STPG2: variants seen among roughly 807,000 people sequenced by gnomAD.
The protein encoded by STPG2 is sperm tail PG-rich repeat containing 2.
In STPG2, 56 loss-of-function variants were observed where a neutral mutation model predicts 54.2. The observed-to-expected ratio is 1.03, with a 90% CI of 0.83 to 1.29. The LOEUF (loss-of-function observed/expected upper bound fraction) is 1.29, where lower values mean the gene tolerates loss of function less well. Among genes scored for constraint, STPG2 ranks in the 50% most tolerant of loss-of-function variants. STPG2 has a pLI of 0.00. For synonymous variants in STPG2, 200 were observed against 181.8 expected, an observed-to-expected ratio of 1.10 and a Z score of -0.81; for missense variants, 596 against 544.9, an observed-to-expected ratio of 1.09 and a Z score of -0.93.
intron 10 of STPG2, among the ~76,000 whole-genome samples, chr4:97,663,334 A>C (rs1722427376): frequency 6.6e-6 from 1 of 152,198 alleles, no homozygotes; most frequent in Non-Finnish European, 1.5e-5. Flanking sequence ...ATTTTTCAAA[A>C]GTAAAATAAA....
intron 9 of STPG2, among the ~76,000 whole-genome samples, chr4:97,774,930 A>G (rs191548719): frequency 1.6e-3 from 240 of 152,340 alleles, no homozygotes; most frequent in African/African-American, 5.7e-3. Context: ...CTCCACTTTG[A>G]GGAGTCTTCC....
intron 8 of STPG2, among the ~76,000 whole-genome samples, chr4:97,906,094 A>C (rs1048538595): frequency 6.6e-6 from 1 of 152,136 alleles, no homozygotes; most frequent in Non-Finnish European, 1.5e-5. Context: ...TTTTGAAAGG[A>C]TCAACAAAAC....
chr4:97,638,304 A>C (rs1007024124), intron 10 of STPG2, among the ~76,000 whole-genome samples: 1 of 152,152 alleles, frequency 6.6e-6, no homozygotes, highest in African/African-American at 2.4e-5. Context: ...TAGAAAGCTG[A>C]AACTGGATCC....
chr4:98,129,702 G>C (rs1311334557), intron 2 of STPG2, among the ~76,000 whole-genome samples: 1 of 152,080 alleles, frequency 6.6e-6, no homozygotes, highest in Non-Finnish European at 1.5e-5. Context: ...TCAAATAAAA[G>C]TACTGGCATT....
At chr4:97,727,440 T>C (rs1295773103) in intron 9 of STPG2, among the ~76,000 whole-genome samples, 1 of 151,882 alleles carries the variant, frequency 6.6e-6, no homozygotes, top group Non-Finnish European at 1.5e-5. Flanking sequence ...CAGGTAAAGA[T>C]GACAACGTTT....
chr4:98,022,211 T>C (rs1736232962), intron 5 of STPG2, among the ~76,000 whole-genome samples: 1 of 152,178 alleles, frequency 6.6e-6, no homozygotes, highest in South Asian at 2.1e-4. Context: ...AGGGCAGGTC[T>C]GGTGGTGACA....
chr4:97,953,727 G>T (rs549377865), intron 7 of STPG2, among the ~76,000 whole-genome samples: 3 of 152,360 alleles, frequency 2.0e-5, no homozygotes, highest in South Asian at 4.1e-4. Flanking sequence ...CCCAGTTGGG[G>T]TGTGTATCCT....
intron 4 of STPG2, among the ~76,000 whole-genome samples, chr4:97,500,993 G>A (rs1201112621): frequency 1.3e-5 from 2 of 152,166 alleles, no homozygotes; most frequent in African/African-American, 4.8e-5. Flanking sequence ...ACTATGGCAT[G>A]TAAGAACCTG....
chr4:97,785,530 G>A (rs1036908720), intron 9 of STPG2, among the ~76,000 whole-genome samples: 1 of 152,092 alleles, frequency 6.6e-6, no homozygotes, highest in Admixed American at 6.6e-5. Flanking sequence ...ATACAATGAA[G>A]AAGGTGATGA....
chr4:98,125,818 G>A (rs1739814202), intron 3 of STPG2, among the ~76,000 whole-genome samples: 1 of 152,148 alleles, frequency 6.6e-6, no homozygotes, highest in Non-Finnish European at 1.5e-5. Context: ...TCCCGCCAGG[G>A]GCTCTGTCCC....
chr4:97,805,887 C>T (rs954004636), intron 9 of STPG2, among the ~76,000 whole-genome samples: 2 of 151,450 alleles, frequency 1.3e-5, no homozygotes, highest in Non-Finnish European at 2.9e-5. Flanking sequence ...AAAGGGAACA[C>T]TCATACATTG....
At chr4:98,093,042 C>T (rs539177443) in intron 5 of STPG2, among the ~76,000 whole-genome samples, 7 of 152,062 alleles carry the variant, frequency 4.6e-5, no homozygotes, top group Non-Finnish European at 1.0e-4. Flanking sequence ...ATTGGCGCCA[C>T]CTAGTGAAAC....
At chr4:97,828,953 C>G (rs1728350307) in intron 9 of STPG2, among the ~76,000 whole-genome samples, 1 of 152,168 alleles carries the variant, frequency 6.6e-6, no homozygotes, top group Non-Finnish European at 1.5e-5. Flanking sequence ...ACAGCTTCAG[C>G]AGACTTAAAC....
intron 5 of STPG2, among the ~76,000 whole-genome samples, chr4:98,066,516 A>C (rs1451205578): frequency 6.6e-6 from 1 of 152,088 alleles, no homozygotes; most frequent in Non-Finnish European, 1.5e-5. Flanking sequence ...TTGAACCTGG[A>C]AGGCAGAGGT....
chr4:97,956,060 A>G (rs1203971549), intron 7 of STPG2, among the ~76,000 whole-genome samples: 1 of 152,196 alleles, frequency 6.6e-6, no homozygotes, highest in Non-Finnish European at 1.5e-5. Context: ...AGAGAAATAA[A>G]TAAAAAAAGT....
chr4:98,032,021 C>A (rs1255193550), intron 5 of STPG2, among the ~76,000 whole-genome samples: 1 of 152,128 alleles, frequency 6.6e-6, no homozygotes, highest in Non-Finnish European at 1.5e-5. Flanking sequence ...TGTGGTACCA[C>A]TTTACTCCTG....
At chr4:98,016,707 C>T (rs1400700229) in intron 5 of STPG2, among the ~76,000 whole-genome samples, 1 of 152,140 alleles carries the variant, frequency 6.6e-6, no homozygotes, top group Non-Finnish European at 1.5e-5. Flanking sequence ...TCTTGTAGCT[C>T]ACTAAGCTTC....
intron 8 of STPG2, among the ~76,000 whole-genome samples, chr4:97,906,159 T>G (rs1372878114): frequency 1.3e-5 from 2 of 151,636 alleles, no homozygotes; most frequent in Non-Finnish European, 1.5e-5. Flanking sequence ...ATCAAATAGA[T>G]GCAATAAAAA....
At chr4:98,139,716 G>A (rs1477480165) in intron 1 of STPG2, among the ~76,000 whole-genome samples, 1 of 152,102 alleles carries the variant, frequency 6.6e-6, no homozygotes, top group Non-Finnish European at 1.5e-5. Flanking sequence ...AATTTCCCCA[G>A]CATGGAATTT....
Sources: allele counts gnomAD v4.1 joint callset (sites outside exome capture counted in the v4.1 genomes callset), GRCh38; gene constraint gnomAD v4.1.1; transcripts MANE v1.5; gene names NCBI Gene and HGNC (gene_info 2026-07-23, HGNC 2026-07-21).